FGD4: variants seen among roughly 807,000 people sequenced by gnomAD.
FGD4 encodes the protein FYVE, RhoGEF and PH domain-containing protein 4.
Under a neutral mutation model 102.0 loss-of-function variants are expected in FGD4, and 42 were observed. That is an observed-to-expected ratio of 0.41 (90% CI 0.32 to 0.53). The LOEUF (loss-of-function observed/expected upper bound fraction) is 0.53. FGD4 is among the 20% of genes least tolerant of loss of function. The probability of loss-of-function intolerance (pLI) is 0.21; values close to 1 mark genes in which losing one functional copy is unlikely to be tolerated. For missense variants in FGD4, 902 were observed against 1,078.2 expected (o/e 0.84, Z 2.29); for synonymous variants, 380 against 375.7 (o/e 1.01, Z -0.13).
intron 1 of FGD4, among the ~76,000 whole-genome samples, chr12:32,472,350 G>A (rs575181934): frequency 0.012 from 1,794 of 152,216 alleles, 18 homozygotes; most frequent in Middle Eastern, 0.034. Context: ...CTGGAGTTCC[G>A]GGTGGGCGTG....
At chr12:32,580,780 G>A (rs913231909) in intron 3 of FGD4, among the ~76,000 whole-genome samples, 10 of 151,860 alleles carry the variant, frequency 6.6e-5, no homozygotes, top group Admixed American at 3.3e-4. Context: ...CCAGCTACTC[G>A]GGAGGCTGAG....
chr12:32,467,873 G>T (rs954100942), intron 1 of FGD4, among the ~76,000 whole-genome samples: 1 of 152,010 alleles, frequency 6.6e-6, no homozygotes, highest in African/African-American at 2.4e-5. Context: ...AAAATAAGCC[G>T]AGAGTTGTGG....
intron 1 of FGD4, among the ~76,000 whole-genome samples, chr12:32,523,933 C>T (rs1338125219): frequency 6.6e-6 from 1 of 151,488 alleles, no homozygotes; most frequent in Non-Finnish European, 1.5e-5. Flanking sequence ...AGCTGAGATC[C>T]TGCCACTGCA....
chr12:32,600,006 G>A (rs1268204548), intron 5 of FGD4, among the ~76,000 whole-genome samples: 1 of 152,160 alleles, frequency 6.6e-6, no homozygotes, highest in Admixed American at 6.5e-5. Flanking sequence ...ATGGAAACAG[G>A]CAATCCTGTG....
intron 1 of FGD4, among the ~76,000 whole-genome samples, chr12:32,549,207 A>G (rs568351503): frequency 6.0e-4 from 91 of 152,338 alleles, no homozygotes; most frequent in Non-Finnish European, 7.1e-4. Context: ...TTGGGCAAAT[A>G]ACAGATATTT....
In FGD4 at chr12:32,600,591, TC is replaced by T. The variant is rs1356255674; in HGVS notation, c.1102-686del. 747 of 337,576 alleles carry T rather than the reference TC, an allele frequency of 2.2e-3. 3 individuals are homozygous for T. The highest frequency in any genetic ancestry group is 0.01 in the African/African-American group (362 of 35,110). The allele number at this position is 337,576 out of a possible 1,614,324, so 20.9% of individuals were successfully genotyped here. A position where few individuals can be genotyped will look rare whatever the true frequency, so the allele number is the denominator to read the frequency against. On this transcript the variant is annotated intron_variant, in intron 5 of 16. Transcript: ENST00000534526. ...GTTTTTCTTTCTTTCTTTCTTTCTT[TC>T]TTTTTTTTTTTTTTGTCTTCAAGGT...
intron 1 of FGD4, among the ~76,000 whole-genome samples, chr12:32,446,843 C>T (rs1047209766): frequency 3.9e-5 from 6 of 152,048 alleles, no homozygotes; most frequent in African/African-American, 4.8e-5. Context: ...AGGAACAGCG[C>T]GTACAGGAAG....
chr12:32,621,930 C>T (rs1014572417), intron 11 of FGD4, among the ~76,000 whole-genome samples: 21 of 151,842 alleles, frequency 1.4e-4, no homozygotes, highest in African/African-American at 5.1e-4. Flanking sequence ...CTCTGTTGCC[C>T]AGGCTGGAGT....
chr12:32,426,029 T>C (rs1456154759), intron 1 of FGD4, among the ~76,000 whole-genome samples: 2 of 152,212 alleles, frequency 1.3e-5, no homozygotes, highest in Non-Finnish European at 2.9e-5. Flanking sequence ...TTTGACTTCC[T>C]CTCTTCCTAT....
Position 32,407,656 on chromosome 12 carries a change from C to CT in FGD4, c.166+7702dup, listed in dbSNP as rs773252439. Among the ~76,000 whole-genome samples the CT allele has an allele frequency of 9.9e-4, 151 of 152,282 alleles. 2 individuals carry two copies. The highest frequency in any genetic ancestry group is 1.9e-3 in the South Asian group (9 of 4,822). ...CATTTCTGTTTGACTCCTCATTGCA[C>CT]TTTTTCTATCTGTTACAGGTCTTTC... On this transcript the variant is annotated intron_variant, in intron 1 of 16. Coordinates refer to ENST00000534526, the MANE Select transcript of FGD4 (RefSeq NM_001370298.3).
chr12:32,574,267 C>A (rs911081327), intron 2 of FGD4, among the ~76,000 whole-genome samples: 1 of 148,824 alleles, frequency 6.7e-6, no homozygotes, highest in African/African-American at 2.5e-5. Flanking sequence ...TTTTAGCACA[C>A]AAAATTATAT....
At chr12:32,617,894 C>T (rs548632665) in intron 10 of FGD4, among the ~76,000 whole-genome samples, 11 of 152,162 alleles carry the variant, frequency 7.2e-5, no homozygotes, top group South Asian at 2.1e-4. Flanking sequence ...TTCACCTATG[C>T]GAAGAGGAAA....
chr12:32,411,786 C>G (rs1941223389), intron 1 of FGD4, among the ~76,000 whole-genome samples: 2 of 152,104 alleles, frequency 1.3e-5, no homozygotes, highest in African/African-American at 4.8e-5. Flanking sequence ...ACCAGCCTGA[C>G]CAACATGGTG....
At chr12:32,530,370 C>T (rs1941676518) in intron 1 of FGD4, among the ~76,000 whole-genome samples, 1 of 152,050 alleles carries the variant, frequency 6.6e-6, no homozygotes, top group Admixed American at 6.5e-5. Flanking sequence ...ATAATTCCAG[C>T]TACTAGAGAA....
At chr12:32,604,586 G>T (rs1040796433) in intron 7 of FGD4, among the ~76,000 whole-genome samples, 3 of 152,090 alleles carry the variant, frequency 2.0e-5, no homozygotes, top group African/African-American at 4.8e-5. Context: ...ACAACTTCTG[G>T]CTAGTAGAGT....
chr12:32,526,151 A>ATG (rs1565803384), intron 1 of FGD4, among the ~76,000 whole-genome samples: 5 of 152,244 alleles, frequency 3.3e-5, no homozygotes, highest in Non-Finnish European at 7.3e-5. Context: ...TGGTGGGGAC[A>ATG]TGGAGAGTCT....
At chr12:32,574,591 G>A (rs1945981861) in intron 2 of FGD4, 1 of 152,080 alleles carries the variant, frequency 6.6e-6, no homozygotes, top group Non-Finnish European at 1.5e-5. Flanking sequence ...AAAGAAGCAT[G>A]CCATTTTTAA....
In FGD4 at chr12:32,644,049, A is replaced by G. The variant is rs1951291216; in HGVS notation, c.*3516A>G. 6.6e-6 allele frequency: 1 copy of G among 152,150 alleles called. No homozygotes were observed. The highest frequency in any genetic ancestry group is 1.5e-5 in the Non-Finnish European group (1 of 67,982). 9.4% of individuals were successfully genotyped at this position (152,150 alleles called of 1,614,324 possible). On this transcript the variant is annotated 3_prime_UTR_variant, in exon 17 of 17. Coordinates refer to ENST00000534526, the MANE Select transcript of FGD4 (RefSeq NM_001370298.3). ...GCTATAATGCAGAATAGATTAATGA[A>G]GATTTCCTATATCATATGATATTTG...
At chr12:32,609,025 A>G (rs1408237337) in intron 8 of FGD4, among the ~76,000 whole-genome samples, 6 of 152,052 alleles carry the variant, frequency 3.9e-5, no homozygotes. Flanking sequence ...CAAGCCATTC[A>G]GCTAATTTTT....
Sources: gnomAD v4.1 joint callset for allele counts (sites outside exome capture counted in the v4.1 genomes callset) on GRCh38, gnomAD v4.1.1 for gene constraint, MANE v1.5 for transcripts, NCBI Gene and HGNC (gene_info 2026-07-23, HGNC 2026-07-21) for gene names.